Variants in PDE6A observed in about 807,000 individuals in gnomAD.
PDE6A encodes rod cGMP-specific 3',5'-cyclic phosphodiesterase subunit alpha.
Under a neutral mutation model 106.3 loss-of-function variants are expected in PDE6A, and 84 were observed. That is an observed-to-expected ratio of 0.79 (90% CI 0.66 to 0.95). The LOEUF is 0.95. Ranked by LOEUF, PDE6A falls within the 40% of genes least tolerant of loss-of-function variation. PDE6A has a pLI of 0.00. For synonymous variants in PDE6A, 394 were observed against 386.6 expected, an observed-to-expected ratio of 1.02 and a Z score of -0.23; for missense variants, 1,052 against 1,084.9, an observed-to-expected ratio of 0.97 and a Z score of 0.43.
At chr5:149,870,384 A>C (rs1393413076) in intron 17 of PDE6A, among the ~76,000 whole-genome samples, 1 of 152,234 alleles carries the variant, frequency 6.6e-6, no homozygotes, top group Non-Finnish European at 1.5e-5. Context: ...TGCTTTAATA[A>C]GTGCTGTGGA....
Position 149,884,215 on chromosome 5 carries a change from T to TACAC in PDE6A, c.2027+260_2027+263dup, listed in dbSNP as rs780693123. ...AAAAAAAAAAATATATATATATATA[T>TACAC]ACACACACACATATATATGTGTAGA... On this transcript the variant is annotated intron_variant, in intron 16 of 21. Transcript: ENST00000255266. Among the ~76,000 whole-genome samples, 32 of 146,456 alleles carry TACAC rather than the reference T, an allele frequency of 2.2e-4. 1 individual carries two copies. Among genetic ancestry groups the TACAC allele is most frequent in the African/African-American group, 7.2e-4 (29 of 40,010 alleles).
chr5:149,918,391 G>C (rs977374149), intron 5 of PDE6A, among the ~76,000 whole-genome samples: 1 of 152,186 alleles, frequency 6.6e-6, no homozygotes, highest in Non-Finnish European at 1.5e-5. Context: ...CGTTAGTGCA[G>C]AGTGGTGGTG....
intron 17 of PDE6A, among the ~76,000 whole-genome samples, chr5:149,875,129 C>G (rs189342304): frequency 1.3e-5 from 2 of 152,082 alleles, no homozygotes; most frequent in Non-Finnish European, 2.9e-5. Context: ...CAATGGGCCC[C>G]GAGATGGCTT....
intron 17 of PDE6A, among the ~76,000 whole-genome samples, chr5:149,876,488 G>A (rs778439344): frequency 7.9e-5 from 12 of 151,192 alleles, no homozygotes; most frequent in South Asian, 2.1e-4. Context: ...CCCAAGTAGC[G>A]TGCACCACCG....
At chr5:149,920,773 C>A (rs527320534) in intron 5 of PDE6A, among the ~76,000 whole-genome samples, 1 of 151,156 alleles carries the variant, frequency 6.6e-6, no homozygotes, top group Admixed American at 6.6e-5. Context: ...AAGGGTTAGC[C>A]GCCAATTTCC....
chr5:149,872,745 G>A (rs1379227006), intron 17 of PDE6A, among the ~76,000 whole-genome samples: 1 of 152,204 alleles, frequency 6.6e-6, no homozygotes, highest in African/African-American at 2.4e-5. Flanking sequence ...GGCAAGGGCT[G>A]GTGTGGCTGA....
intron 17 of PDE6A, among the ~76,000 whole-genome samples, chr5:149,883,038 A>G (rs1166287154): frequency 6.6e-6 from 1 of 152,224 alleles, no homozygotes; most frequent in African/African-American, 2.4e-5. Flanking sequence ...AGCCTGGGCG[A>G]CAGAGCGAGA....
chr5:149,884,420 A>G (rs565514471), intron 16 of PDE6A, 59 bp downstream of exon 16: 1 of 967,970 alleles, frequency 1.0e-6, no homozygotes, highest in South Asian at 1.3e-5. Context: ...GTGTATATAT[A>G]TATATGCATA....
chr5:149,920,108 A>G (rs2113636999), intron 5 of PDE6A, among the ~76,000 whole-genome samples: 1 of 152,256 alleles, frequency 6.6e-6, no homozygotes, highest in African/African-American at 2.4e-5. Flanking sequence ...CAGGAGGATC[A>G]CTTGAGGCCA....
At chr5:149,943,047 G>A (rs1754364446) in intron 1 of PDE6A, among the ~76,000 whole-genome samples, 1 of 151,828 alleles carries the variant, frequency 6.6e-6, no homozygotes, top group South Asian at 2.1e-4. Context: ...CCCTTTACGG[G>A]TGTTGGGCTG....
Position 149,859,543 on chromosome 5 carries a change from G to C in PDE6A, c.*1352C>G, listed in dbSNP as rs1760056850. On this transcript the variant is annotated 3_prime_UTR_variant, in exon 22 of 22. Transcript: ENST00000255266. ...ATGTGAGCCCAGCGACAGCCTTAGT[G>C]GACCCCACGAGGAGTCGTGGAGCTG... 1 of 152,308 alleles carries C rather than the reference G, an allele frequency of 6.6e-6. No homozygotes were observed. Among genetic ancestry groups the C allele is most frequent in the Admixed American group, 6.5e-5 (1 of 15,290 alleles). 9.4% of individuals were successfully genotyped at this position (152,308 alleles called of 1,614,324 possible). A position where few individuals can be genotyped will look rare whatever the true frequency, so the allele number is the denominator to read the frequency against.
chr5:149,870,310 A>C (rs1206608584), intron 17 of PDE6A, among the ~76,000 whole-genome samples: 1 of 152,212 alleles, frequency 6.6e-6, no homozygotes, highest in Non-Finnish European at 1.5e-5. Context: ...GTAAGCTTTC[A>C]GAAGTGCATA....
At chr5:149,938,632 C>T (rs1021263031) in intron 1 of PDE6A, among the ~76,000 whole-genome samples, 1 of 152,136 alleles carries the variant, frequency 6.6e-6, no homozygotes, top group African/African-American at 2.4e-5. Context: ...GGCAAGTGGG[C>T]CTTCCCAATG....
intron 6 of PDE6A, among the ~76,000 whole-genome samples, chr5:149,912,601 G>T (rs1381262947): frequency 6.6e-6 from 1 of 152,172 alleles, no homozygotes; most frequent in East Asian, 1.9e-4. Flanking sequence ...ATTCTATCTT[G>T]CAAGGTTCAA....
chr5:149,889,641 C>T (rs1042381847), intron 13 of PDE6A, among the ~76,000 whole-genome samples: 4 of 151,998 alleles, frequency 2.6e-5, no homozygotes, highest in African/African-American at 4.8e-5. Context: ...TGCAGTGGCT[C>T]ATGCCTGTAA....
intron 6 of PDE6A, among the ~76,000 whole-genome samples, chr5:149,910,234 C>G (rs908308348): frequency 6.6e-6 from 1 of 151,926 alleles, no homozygotes. Flanking sequence ...TACAAGTTTT[C>G]TTTTGATTAG....
At chr5:149,928,009 A>G (rs1371736725) in intron 4 of PDE6A, among the ~76,000 whole-genome samples, 2 of 151,404 alleles carry the variant, frequency 1.3e-5, no homozygotes, top group Non-Finnish European at 2.9e-5. Flanking sequence ...CTATGATAAC[A>G]ATGCTTTCTT....
intron 4 of PDE6A, among the ~76,000 whole-genome samples, chr5:149,923,883 T>C (rs149635555): frequency 1.8e-3 from 268 of 152,298 alleles, no homozygotes; most frequent in African/African-American, 6.2e-3. Flanking sequence ...TGCCAAGCCC[T>C]CCTCATTCCT....
intron 4 of PDE6A, among the ~76,000 whole-genome samples, chr5:149,924,819 T>C (rs901352768): frequency 6.6e-6 from 1 of 152,218 alleles, no homozygotes; most frequent in African/African-American, 2.4e-5. Flanking sequence ...GACCCACTTG[T>C]TGATACCAAA....
Sources: gnomAD v4.1 joint callset for allele counts (sites outside exome capture counted in the v4.1 genomes callset) on GRCh38, gnomAD v4.1.1 for gene constraint, MANE v1.5 for transcripts, NCBI Gene and HGNC (gene_info 2026-07-23, HGNC 2026-07-21) for gene names.